PCDHA2: variants seen among roughly 807,000 people sequenced by gnomAD.
The protein encoded by PCDHA2 is protocadherin alpha 2.
In PCDHA2, 58 loss-of-function variants were observed where a neutral mutation model predicts 66.0. The observed-to-expected ratio is 0.88, with a 90% CI of 0.71 to 1.09. PCDHA2 has a LOEUF of 1.09. Among genes scored for constraint, PCDHA2 ranks in the 50% least tolerant of loss-of-function variants. PCDHA2 has a pLI of 0.00. For missense variants in PCDHA2, 1,267 were observed against 1,242.3 expected (o/e 1.02, Z -0.30); for synonymous variants, 634 against 554.0 (o/e 1.14, Z -2.03).
At chr5:140,926,775 G>C in intron 1 of PCDHA2, 9 of 1,391,106 alleles carry the variant, frequency 6.5e-6, no homozygotes, top group Admixed American at 3.1e-5. Flanking sequence ...GCCCGCAGCA[G>C]TGACGGCCGG....
chr5:140,896,283 T>TG (rs1440417603), intron 1 of PCDHA2, among the ~76,000 whole-genome samples: 4 of 152,258 alleles, frequency 2.6e-5, no homozygotes, highest in Admixed American at 6.5e-5. Context: ...CTGGCTTGAA[T>TG]GGTAAGTTCT....
At chr5:140,996,355 G>A (rs1164124431) in intron 3 of PCDHA2, among the ~76,000 whole-genome samples, 1 of 152,218 alleles carries the variant, frequency 6.6e-6, no homozygotes, top group Non-Finnish European at 1.5e-5. Flanking sequence ...ACCAAAGTCA[G>A]AAGCCATTTT....
chr5:140,875,422 AG>A (rs1554167622), intron 1 of PCDHA2: 1 of 1,524,010 alleles, frequency 6.6e-7, no homozygotes, highest in Non-Finnish European at 8.8e-7. Context: ...ACCTCAGGCA[AG>A]CGATCCCTTA....
chr5:140,926,212 T>G (rs1261895253), intron 1 of PCDHA2, among the ~76,000 whole-genome samples: 2 of 152,204 alleles, frequency 1.3e-5, no homozygotes, highest in Non-Finnish European at 2.9e-5. Context: ...GGGCTCCTGT[T>G]TCCTTAAGCC....
chr5:140,809,008 T>C (rs1581698926), intron 1 of PCDHA2: 2 of 1,613,616 alleles, frequency 1.2e-6, no homozygotes, highest in African/African-American at 2.7e-5. Context: ...ACGCGTGGCT[T>C]TCGTACGAGC....
At chr5:140,983,720 T>G (rs1563510266) in intron 3 of PCDHA2, among the ~76,000 whole-genome samples, 1 of 152,228 alleles carries the variant, frequency 6.6e-6, no homozygotes, top group Non-Finnish European at 1.5e-5. Context: ...AGCACTTATA[T>G]TCATAACATG....
At chr5:140,984,976 C>A (rs905264957) in intron 3 of PCDHA2, among the ~76,000 whole-genome samples, 8 of 151,910 alleles carry the variant, frequency 5.3e-5, no homozygotes, top group African/African-American at 1.9e-4. Flanking sequence ...CTCGCTCTGT[C>A]CCCCAGGCTG....
chr5:140,951,210 G>C (rs541010152), intron 1 of PCDHA2, among the ~76,000 whole-genome samples: 4 of 151,862 alleles, frequency 2.6e-5, no homozygotes, highest in African/African-American at 9.7e-5. Flanking sequence ...TGTCATCTCA[G>C]GTTTGGATTC....
chr5:140,854,184 T>C, intron 1 of PCDHA2: 1 of 612,228 alleles, frequency 1.6e-6, no homozygotes, highest in Non-Finnish European at 2.0e-6. Context: ...AAAGAGTAGT[T>C]TAACTACTCC....
At chr5:140,875,779 A>G (rs1174243985) in intron 1 of PCDHA2, 1 of 1,614,194 alleles carries the variant, frequency 6.2e-7, no homozygotes, top group Non-Finnish European at 8.5e-7. Context: ...CGCGGAGTGC[A>G]GTATCCACCT....
intron 1 of PCDHA2, chr5:140,881,246 G>A (rs1006093115): frequency 4.8e-6 from 2 of 415,054 alleles, no homozygotes; most frequent in Non-Finnish European, 6.5e-6. Flanking sequence ...TTAAATGACG[G>A]CAAGGTTTTA....
At chr5:140,870,435 G>A in intron 1 of PCDHA2, 1 of 1,614,252 alleles carries the variant, frequency 6.2e-7, no homozygotes, top group South Asian at 1.1e-5. Context: ...CCGTGGAGGT[G>A]GCCGACGTGA....
At chr5:140,953,284 T>G (rs2094869714) in intron 1 of PCDHA2, among the ~76,000 whole-genome samples, 1 of 152,160 alleles carries the variant, frequency 6.6e-6, no homozygotes, top group Admixed American at 6.5e-5. Flanking sequence ...TCTTTATATG[T>G]GATTCAGGGA....
intron 1 of PCDHA2, among the ~76,000 whole-genome samples, chr5:140,885,485 TTC>T (rs1412041657): frequency 1.3e-5 from 2 of 152,188 alleles, no homozygotes; most frequent in Admixed American, 6.5e-5. Context: ...GTGTCAAGTG[TTC>T]TGTTATCTTC....
chr5:140,857,611 G>A (rs987659739), intron 1 of PCDHA2: 1 of 1,596,436 alleles, frequency 6.3e-7, no homozygotes, highest in Admixed American at 1.7e-5. Flanking sequence ...CGCTGCAGCC[G>A]CTGGACCACG....
At chr5:140,843,763 G>T in intron 1 of PCDHA2, 1 of 1,492,614 alleles carries the variant, frequency 6.7e-7, no homozygotes, top group Non-Finnish European at 9.2e-7. Flanking sequence ...TGTGGAAATT[G>T]TAGTTACTTT....
At chr5:140,986,524 G>GAACT (rs1403082336) in intron 3 of PCDHA2, among the ~76,000 whole-genome samples, 2 of 152,198 alleles carry the variant, frequency 1.3e-5, no homozygotes, top group Non-Finnish European at 2.9e-5. Flanking sequence ...GCCTGTGAGG[G>GAACT]AACTGGCCTG....
At chr5:140,851,245 A>G (rs2042003165) in intron 1 of PCDHA2, 2 of 1,104,800 alleles carry the variant, frequency 1.8e-6, no homozygotes, top group Non-Finnish European at 2.3e-6. Flanking sequence ...TTGCTAAATG[A>G]TGCATAGTAT....
At chr5:140,802,612 G>A in intron 1 of PCDHA2, 1 of 1,614,020 alleles carries the variant, frequency 6.2e-7, no homozygotes, top group Non-Finnish European at 8.5e-7. Flanking sequence ...CCGCCGGGCT[G>A]CCACATCTTC....
Sources: allele counts gnomAD v4.1 joint callset (sites outside exome capture counted in the v4.1 genomes callset), GRCh38; gene constraint gnomAD v4.1.1; transcripts MANE v1.5; gene names NCBI Gene and HGNC (gene_info 2026-07-23, HGNC 2026-07-21).